MEGF8: variants seen among roughly 807,000 people sequenced by gnomAD.
The protein encoded by MEGF8 is multiple EGF like domains 8, also known as multiple epidermal growth factor-like domains protein 8.
MEGF8 carries 156 observed loss-of-function variants against 302.9 expected under a neutral mutation model. That is an observed-to-expected ratio of 0.52 (90% confidence interval 0.45 to 0.59). The LOEUF (loss-of-function observed/expected upper bound fraction) is 0.59, where lower values mean the gene tolerates loss of function less well. Ranked by LOEUF, MEGF8 falls within the 20% of genes least tolerant of loss-of-function variation. MEGF8 has a pLI of 0.00. For missense variants in MEGF8, 3,345 were observed against 3,964.5 expected (o/e 0.84, Z 4.20); for synonymous variants, 1,621 against 1,660.5 (o/e 0.98, Z 0.58).
At chr19:42,370,567 C>A in intron 39 of MEGF8, 134 bp from the exon 40 acceptor site, 1 of 1,034,768 alleles carries the variant, frequency 9.7e-7, no homozygotes, top group Non-Finnish European at 1.4e-6. Flanking sequence ...ACTCCTGGAT[C>A]TGAGGGAGGA....
Position 42,353,875 on chromosome 19 carries a change from C to T in MEGF8, c.3862C>T (p.Pro1288Ser). Reference protein sequence around the residue: ...GSRRVGGLLPPGGGAARAGPG... With the variant: ...GSRRVGGLLPSGGGAARAGPG... ...ACGCCGGGTCGGGGGGCTGCTGCCT[C>T]CAGGTGGCGGGGCTGCAAGAGCCGG... The change falls in exon 22 of 42, where the codon CCA becomes TCA. Residue 1288 changes from proline (P) to serine (S), a missense_variant. Transcript: ENST00000251268. The surrounding 1 kb of genome is among the most constrained non-coding windows in gnomAD (Gnocchi z 6.1). 1 of 1,600,072 alleles carries T rather than the reference C, an allele frequency of 6.2e-7. No homozygotes were observed. The highest frequency in any genetic ancestry group is 1.1e-5 in the South Asian group (1 of 89,038).
At chr19:42,340,092 C>CT (rs2039191203) in intron 8 of MEGF8, among the ~76,000 whole-genome samples, 1 of 152,154 alleles carries the variant, frequency 6.6e-6, no homozygotes. Flanking sequence ...TACTTAATCT[C>CT]TGTGCCTCAG....
In MEGF8 at chr19:42,326,162, G is replaced by A. The variant is rs916221806; in HGVS notation, c.-82G>A. ...TGTTATGCCTATAGAGGTCGCATTT[G>A]CAGGGCCTCACCCCGGGTAGAGGGT... is the stretch of plus-strand genomic sequence containing the variant. On this transcript the variant is annotated 5_prime_UTR_variant, in exon 1 of 42. Coordinates refer to ENST00000251268, the MANE Select transcript of MEGF8 (RefSeq NM_001271938.2). 4 of 1,414,474 alleles carry A rather than the reference G, an allele frequency of 2.8e-6. No homozygotes were observed. In the African/African-American group the frequency reaches 4.5e-5, roughly 16 times the overall value. 87.6% of individuals were successfully genotyped at this position (1,414,474 alleles called of 1,614,324 possible).
Position 42,344,219 on chromosome 19 carries a change from C to T in MEGF8, c.1788+146C>T, listed in dbSNP as rs1033014415. Reference sequence around the variant, plus strand: ...GATCCTCCTTCCTGATTCCTGACTGCGGAGCCCTGAACCTTTGCCTATCCC... The same window carrying T: ...GATCCTCCTTCCTGATTCCTGACTGTGGAGCCCTGAACCTTTGCCTATCCC... On this transcript the variant is annotated intron_variant, in intron 10 of 41. Transcript: ENST00000251268. This position sits in a 1 kb window ranked among gnomAD's most constrained non-coding sequence, Gnocchi z 4.5. 43 of 1,328,368 alleles carry T rather than the reference C, an allele frequency of 3.2e-5. No homozygotes were observed. The highest frequency in any genetic ancestry group is 5.1e-5 in the Admixed American group (2 of 39,508). The allele number at this position is 1,328,368 out of a possible 1,614,324, so 82.3% of individuals were successfully genotyped here. A position where few individuals can be genotyped will look rare whatever the true frequency, so the allele number is the denominator to read the frequency against.
chr19:42,348,259 C>T lies in MEGF8; in HGVS notation c.2098-13C>T. The T allele has an allele frequency of 1.3e-6, 2 of 1,534,158 alleles. No individual in the cohort carries two copies. The highest frequency in any genetic ancestry group is 1.7e-4 in the Middle Eastern group (1 of 5,980). ...AAAGGGACTCACACATACACCCATC[C>T]CTGGTGGCACAGGTCTCAATTGTCC... On this transcript the variant is annotated splice_polypyrimidine_tract_variant and intron_variant, in intron 12 of 41. Transcript: ENST00000251268.
rs149768800 is a variant in MEGF8 at position 42,350,272 on chromosome 19, G to A, written c.2624G>A (p.Arg875His). The A allele has an allele frequency of 5.0e-6, 8 of 1,611,128 alleles. No homozygotes were observed. The highest frequency in any genetic ancestry group is 4.0e-5 in the African/African-American group (3 of 74,950). Residue 875 changes from arginine to histidine, a missense_variant, in exon 15 of 42, where the codon CGC (arginine) becomes CAC (histidine). Arg to His is a conservative substitution (Grantham distance 29). Transcript: ENST00000251268. Reference protein sequence around the residue: ...WCLTSATCHLRQGGAHCGDDG... With the variant: ...WCLTSATCHLHQGGAHCGDDG... The stretch of plus-strand genomic sequence containing the variant: ...CTGACCAGTGCCACCTGCCACCTGC[G>A]CCAGGGCGGAGCCCATTGCGGGGAT...
rs1036599482 is a variant in MEGF8 at position 42,358,066 on chromosome 19, G to A, written c.5012-78G>A. On this transcript the variant is annotated intron_variant, in intron 28 of 41. Coordinates refer to ENST00000251268, the MANE Select transcript of MEGF8 (RefSeq NM_001271938.2). This position sits in a 1 kb window ranked among gnomAD's most constrained non-coding sequence, Gnocchi z 4.4. Reference sequence around the variant, plus strand: ...AGGGCCGGGGAAGGGAGTGGTCACCGAACAGGGGACCGGGAGGTCGGCGGG... The same window carrying A: ...AGGGCCGGGGAAGGGAGTGGTCACCAAACAGGGGACCGGGAGGTCGGCGGG... 7.3e-6 allele frequency: 10 copies of A among 1,372,442 alleles called. No individual in the cohort carries two copies. The highest frequency in any genetic ancestry group is 6.7e-6 in the Non-Finnish European group (7 of 1,047,012). 85.0% of individuals were successfully genotyped at this position (1,372,442 alleles called of 1,614,324 possible).
chr19:42,344,634 C>A lies in MEGF8; in HGVS notation c.1934-36C>A, dbSNP rs1045197233. 1.9e-6 allele frequency: 3 copies of A among 1,567,476 alleles called. No homozygotes were observed. The African/African-American group carries it at 4.0e-5, about 21-fold the overall frequency. On this transcript the variant is annotated intron_variant, in intron 11 of 41. Transcript: ENST00000251268. The surrounding 1 kb of genome is among the most constrained non-coding windows in gnomAD (Gnocchi z 4.5). ...GGCAGGAGGGGGCCAGAGCACTCCA[C>A]ACTGACCCACCGGCCCCCACCCCCT...
In MEGF8 at chr19:42,353,991, C is replaced by T. The variant is rs777762858; in HGVS notation, c.3978C>T (p.Leu1326=). 1.3e-6 allele frequency: 2 copies of T among 1,584,656 alleles called. No individual in the cohort carries two copies. ...APGTLCPPLT[L]TFSPDSSTPC... is the part of the protein sequence containing the mutation. ...GGACCCTCTGTCCCCCACTCACCCT[C>T]ACCTTCTCCCCCGACAGCAGCACCC... Residue 1326 remains leucine, a synonymous_variant, in exon 22 of 42, where the codon CTC becomes CTT. Transcript: ENST00000251268. The surrounding 1 kb of genome is among the most constrained non-coding windows in gnomAD (Gnocchi z 6.1).
chr19:42,364,831 C>T (rs1442905981), intron 35 of MEGF8, among the ~76,000 whole-genome samples: 2 of 152,164 alleles, frequency 1.3e-5, no homozygotes, highest in African/African-American at 4.8e-5. Flanking sequence ...GATCCTGTCC[C>T]CTAGGGAGGT....
At chr19:42,342,633 T>C (rs1477271959) in intron 8 of MEGF8, among the ~76,000 whole-genome samples, 5 of 147,718 alleles carry the variant, frequency 3.4e-5, no homozygotes, top group African/African-American at 1.3e-4. Context: ...CGAGACTCTG[T>C]CTCAAAAAAA....
chr19:42,369,502 C>G lies in MEGF8; in HGVS notation c.6642-29C>G. 6.3e-7 allele frequency: 1 copy of G among 1,589,162 alleles called. No individual in the cohort carries two copies. The highest frequency in any genetic ancestry group is 1.1e-5 in the South Asian group (1 of 89,932). ...ATGAAGCCACGAGGAGGGTGGCCAC[C>G]TGCCCTGACCCCCACTTTGCCCCTG... On this transcript the variant is annotated intron_variant, in intron 37 of 41. Transcript: ENST00000251268. The surrounding 1 kb of genome is among the most constrained non-coding windows in gnomAD (Gnocchi z 5.7).
Position 42,335,953 on chromosome 19 carries a change from C to G in MEGF8, c.851C>G (p.Ala284Gly). The G allele has an allele frequency of 6.7e-7, 1 of 1,490,350 alleles. No individual in the cohort carries two copies. Among genetic ancestry groups the G allele is most frequent in the South Asian group, 1.3e-5 (1 of 77,024 alleles). 92.3% of individuals were successfully genotyped at this position (1,490,350 alleles called of 1,614,324 possible). ...CAGGCTGCCCGTCACTCCCATGTGGCCGTGGCCTGGGCCGGCTCCCTGGTA... is the reference window on the plus strand; with the variant it reads ...CAGGCTGCCCGTCACTCCCATGTGGGCGTGGCCTGGGCCGGCTCCCTGGTA... ...PAPAARHSHVAVAWAGSLVLM... is the reference protein window; with the variant it reads ...PAPAARHSHVGVAWAGSLVLM... Residue 284 changes from alanine to glycine, a missense_variant, in exon 6 of 42, where the codon GCC becomes GGC. Ala to Gly is a moderately conservative substitution (Grantham distance 60). Transcript: ENST00000251268.
rs746105455 is a variant in MEGF8 at position 42,344,555 on chromosome 19, G to A, written c.1903G>A (p.Val635Met). 6 of 1,598,876 alleles carry A rather than the reference G, an allele frequency of 3.8e-6. No homozygotes were observed. The highest frequency in any genetic ancestry group is 1.1e-5 in the South Asian group (1 of 90,762). Residue 635 changes from valine to methionine, a missense_variant, in exon 11 of 42, where the codon GTG becomes ATG. Physicochemically the swap from Val to Met is conservative, Grantham distance 21 (BLOSUM62 1). Transcript: ENST00000251268. This position sits in a 1 kb window ranked among gnomAD's most constrained non-coding sequence, Gnocchi z 4.5. ...GGGACCTGGCACCCTGGGCTGGTGCGTGCACAATGAGAGCTGCCTCCCTAG... is the reference window on the plus strand; with the variant it reads ...GGGACCTGGCACCCTGGGCTGGTGCATGCACAATGAGAGCTGCCTCCCTAG... The part of the protein sequence containing the change: ...PRGPGTLGWC[V>M]HNESCLPRPE...
Position 42,363,150 on chromosome 19 carries a change from CA to C in MEGF8, c.6162del (p.Leu2055CysfsTer39). Reference protein sequence around the residue: ...VSPMPVESSPPLPCPTPCHLL... With the variant: ...VSPMPVESSPXLPCPTPCHLL... ...CCCATGCCGGTGGAATCATCACCCC[CA>C]CTGCCCTGCCCCACCCCTTGTCACC... is the stretch of plus-strand genomic sequence containing the variant. On this transcript the variant is annotated frameshift_variant, in exon 35 of 42. Coordinates refer to ENST00000251268, the MANE Select transcript of MEGF8 (RefSeq NM_001271938.2). LOFTEE classifies it high-confidence loss of function. The C allele has an allele frequency of 6.2e-7, 1 of 1,612,690 alleles. No individual in the cohort carries two copies. The highest frequency in any genetic ancestry group is 8.5e-7 in the Non-Finnish European group (1 of 1,179,386).
Position 42,354,160 on chromosome 19 carries a change from C to T in MEGF8, c.4011+136C>T, listed in dbSNP as rs2039418990. On this transcript the variant is annotated intron_variant, in intron 22 of 41. Coordinates refer to ENST00000251268, the MANE Select transcript of MEGF8 (RefSeq NM_001271938.2). The surrounding 1 kb of genome is among the most constrained non-coding windows in gnomAD (Gnocchi z 4.3). ...TTTTTAATCCTTCAAAACCCAAACT[C>T]CTCCTCAGATCCCCAGCACTTTGTT... The T allele has an allele frequency of 3.7e-6, 4 of 1,090,978 alleles. No homozygotes were observed. In the South Asian group the frequency reaches 6.8e-5, roughly 18 times the overall value. The allele number at this position is 1,090,978 out of a possible 1,614,324, so 67.6% of individuals were successfully genotyped here.
At chr19:42,340,790 C>T (rs1490121875) in intron 8 of MEGF8, among the ~76,000 whole-genome samples, 2 of 151,884 alleles carry the variant, frequency 1.3e-5, no homozygotes, top group African/African-American at 2.4e-5. Context: ...GCCTCAGCCT[C>T]CTGAGTAGCT....
In MEGF8 at chr19:42,363,223, G is replaced by C; in HGVS notation, c.6234G>C (p.Gly2078=). 1 of 1,609,484 alleles carries C rather than the reference G, an allele frequency of 6.2e-7. No homozygotes were observed. The highest frequency in any genetic ancestry group is 8.5e-7 in the Non-Finnish European group (1 of 1,178,092). The stretch of plus-strand genomic sequence containing the variant: ...GCCTGGACTCTAAGGGAGCAGATGG[G>C]GGCTGGCAGCACTGTGTTTGGAGCA... ...TSCLDSKGAD[G]GWQHCVWSSS... The change falls in exon 35 of 42, where the codon GGG becomes GGC. Residue 2078 remains glycine, a synonymous_variant. Transcript: ENST00000251268.
Position 42,356,631 on chromosome 19 carries a change from G to A in MEGF8, c.4623-143G>A, listed in dbSNP as rs1382194588. ...CACTTGGGGACCAGGGTACTTATTT[G>A]GGTGGTGCTACTCCAGGGAATGGCA... On this transcript the variant is annotated intron_variant, in intron 26 of 41. Coordinates refer to ENST00000251268, the MANE Select transcript of MEGF8 (RefSeq NM_001271938.2). This position sits in a 1 kb window ranked among gnomAD's most constrained non-coding sequence, Gnocchi z 5.2. 5.1e-6 allele frequency: 5 copies of A among 974,106 alleles called. No individual in the cohort carries two copies. The highest frequency in any genetic ancestry group is 7.4e-6 in the Non-Finnish European group (5 of 672,056). The allele number at this position is 974,106 out of a possible 1,614,324, so 60.3% of individuals were successfully genotyped here.
Sources: allele counts gnomAD v4.1 joint callset (sites outside exome capture counted in the v4.1 genomes callset), GRCh38; gene constraint gnomAD v4.1.1; non-coding constraint Gnocchi (gnomAD v3.1); transcripts MANE v1.5; gene names NCBI Gene and HGNC (gene_info 2026-07-23, HGNC 2026-07-21).